The following MYBPC3 variants were observed in gnomAD, a reference collection of about 807,000 sequenced individuals.
MYBPC3 encodes the protein myosin binding protein C3, also known as myosin-binding protein C, cardiac-type.
A neutral mutation model predicts 159.3 loss-of-function variants in MYBPC3; 108 were observed. That is an observed-to-expected ratio of 0.68 (90% CI 0.58 to 0.80). MYBPC3 has a LOEUF of 0.80. Ranked by LOEUF, MYBPC3 falls within the 30% of genes least tolerant of loss-of-function variation. MYBPC3 has a pLI of 0.00. For synonymous variants in MYBPC3, 730 were observed against 702.0 expected (o/e 1.04, Z -0.63); for missense variants, 1,631 against 1,762.1 (o/e 0.93, Z 1.33).
chr11:47,348,448 A>G lies in MYBPC3; in HGVS notation c.748T>C (p.Ser250Pro), dbSNP rs2095896741. The G allele has an allele frequency of 6.2e-7, 1 of 1,612,876 alleles. No homozygotes were observed. The change falls in exon 6 of 35, where the codon TCC (serine) becomes CCC (proline). Residue 250 changes from serine (S) to proline (P), a missense_variant. By Grantham distance (74) the Ser-to-Pro change is moderately conservative. Transcript: ENST00000545968. ...CCGTGGACAGTGAGATTGAAGTTGG[A>G]GCAGTCAAATTTGTCCTTGGTGGAC... ...EVSTKDKFDC[S>P]NFNLTVHEAM...
rs748417652 is a variant in MYBPC3 at position 47,332,024 on chromosome 11, C to G, written c.3814+48G>C. ...GGAGCAAAGCCCAGGGTCCCCACTGCCGCCCGCTCTTCCCATCTCCCAGGC... is the reference window on the plus strand; with the variant it reads ...GGAGCAAAGCCCAGGGTCCCCACTGGCGCCCGCTCTTCCCATCTCCCAGGC... On this transcript the variant is annotated intron_variant, in intron 33 of 34. Transcript: ENST00000545968. The surrounding 1 kb of genome is among the most constrained non-coding windows in gnomAD (Gnocchi z 4.2). 1 of 1,598,878 alleles carries G rather than the reference C, an allele frequency of 6.3e-7. No homozygotes were observed. Among genetic ancestry groups the G allele is most frequent in the African/African-American group, 1.3e-5 (1 of 74,646 alleles).
Position 47,332,881 on chromosome 11 carries a change from G to C in MYBPC3, c.3423C>G (p.Ser1141Arg). ...TGTCACTAAAGCCAACCATATTCTG[G>C]CTGAAGACGCGGAAGTAGTAGCCAT... is the stretch of plus-strand genomic sequence containing the variant. ...IGNGYYFRVF[S>R]QNMVGFSDRA... The change falls in exon 31 of 35, where the codon AGC becomes AGG. Residue 1141 changes from serine to arginine, a missense_variant. Ser to Arg is a moderately radical substitution (Grantham distance 110). Coordinates refer to ENST00000545968, the MANE Select transcript of MYBPC3 (RefSeq NM_000256.3). The surrounding 1 kb of genome is among the most constrained non-coding windows in gnomAD (Gnocchi z 4.2). 6.2e-7 allele frequency: 1 copy of C among 1,607,352 alleles called. No individual in the cohort carries two copies. Among genetic ancestry groups the C allele is most frequent in the Non-Finnish European group, 8.5e-7 (1 of 1,177,152 alleles).
At chr11:47,339,059 T>A (rs940295396) in intron 22 of MYBPC3, among the ~76,000 whole-genome samples, 2 of 152,114 alleles carry the variant, frequency 1.3e-5, no homozygotes, top group Non-Finnish European at 2.9e-5. Context: ...CAAGGTCAGC[T>A]TAGGATGAAG....
chr11:47,337,582 G>A lies in MYBPC3; in HGVS notation c.2414-3C>T, dbSNP rs2142855549. 6.2e-7 allele frequency: 1 copy of A among 1,613,966 alleles called. No individual in the cohort carries two copies. The highest frequency in any genetic ancestry group is 8.5e-7 in the Non-Finnish European group (1 of 1,179,894). ...CTTCTTGCGCTCCAGGATGTAGCCT[G>A]GCTCAGGGGAGGTGGCAGCTCTGGT... On this transcript the variant is annotated splice_polypyrimidine_tract_variant and splice_region_variant and intron_variant, in intron 24 of 34. Coordinates refer to ENST00000545968, the MANE Select transcript of MYBPC3 (RefSeq NM_000256.3).
chr11:47,331,900 T>C lies in MYBPC3; in HGVS notation c.3815-19A>G. 6.2e-7 allele frequency: 1 copy of C among 1,609,328 alleles called. No homozygotes were observed. Among genetic ancestry groups the C allele is most frequent in the African/African-American group, 1.3e-5 (1 of 74,992 alleles). On this transcript the variant is annotated intron_variant, in intron 33 of 34. Coordinates refer to ENST00000545968, the MANE Select transcript of MYBPC3 (RefSeq NM_000256.3). ...TGAGGCACTGCAGAAGAGGAGGCCA[T>C]GTCACTGTGTCCTCCCAGCCTTCTG...
intron 7 of MYBPC3, 57 bp from the exon 8 acceptor site, chr11:47,347,737 GC>G (rs1218774977): frequency 1.3e-6 from 2 of 1,551,190 alleles, no homozygotes; most frequent in Admixed American, 3.9e-5. Context: ...CTCCCCTGCA[GC>G]CCCCACTGAC....
At chr11:47,341,367 A>T (rs924371966) in intron 18 of MYBPC3, 123 bp from the exon 19 acceptor site, 21 of 680,676 alleles carry the variant, frequency 3.1e-5, no homozygotes, top group South Asian at 2.0e-4. Flanking sequence ...TCTGATTTTT[A>T]AAAATGCCTT....
At chr11:47,347,554 G>C (rs2095895535) in intron 8 of MYBPC3, 75 bp from the exon 9 acceptor site, 1 of 1,561,338 alleles carries the variant, frequency 6.4e-7, no homozygotes, top group Non-Finnish European at 8.7e-7. Context: ...GAGTGGAGTG[G>C]GGAGGGAGAA....
At chr11:47,335,570 G>T (rs548330219) in intron 26 of MYBPC3, 1 of 298,402 alleles carries the variant, frequency 3.4e-6, no homozygotes, top group Non-Finnish European at 6.2e-6. Context: ...CAGGTGATCC[G>T]CCCACCTTGG....
In MYBPC3 at chr11:47,346,052, G is replaced by A. The variant is rs536727308; in HGVS notation, c.1090+155C>T. Among the ~76,000 whole-genome samples the A allele has an allele frequency of 2.6e-5, 4 of 152,034 alleles. No homozygotes were observed. The highest frequency in any genetic ancestry group is 4.4e-5 in the Non-Finnish European group (3 of 67,996). ...TTCCTGTGAGTCTCTGTGCTAAGCC[G>A]GACTCCGCTCTTTCCATGTATGTGG... is the stretch of plus-strand genomic sequence containing the variant. On this transcript the variant is annotated intron_variant, in intron 12 of 34. Transcript: ENST00000545968. This position sits in a 1 kb window ranked among gnomAD's most constrained non-coding sequence, Gnocchi z 5.3.
At chr11:47,349,020 C>T (rs1388100815) in intron 5 of MYBPC3, among the ~76,000 whole-genome samples, 2 of 149,008 alleles carry the variant, frequency 1.3e-5, no homozygotes. Context: ...AGAAAGGGGA[C>T]TATCTCGAAA....
intron 18 of MYBPC3, 98 bp downstream of exon 18, chr11:47,341,893 C>G (rs2095888957): frequency 1.4e-6 from 2 of 1,470,356 alleles, no homozygotes; most frequent in African/African-American, 2.8e-5. Context: ...GCCTCTCTGT[C>G]CACCTGTCTT....
At chr11:47,334,954 G>A in intron 27 of MYBPC3, 88 bp downstream of exon 27, 1 of 1,352,194 alleles carries the variant, frequency 7.4e-7, no homozygotes, top group Non-Finnish European at 9.6e-7. Context: ...GAGCATTCTG[G>A]GCCTCCCCAA....
rs558051480 is a variant in MYBPC3 at position 47,339,708 on chromosome 11, G to A, written c.2010C>T (p.Asp670=). The A allele has an allele frequency of 1.1e-5, 18 of 1,613,810 alleles. No individual in the cohort carries two copies. Among genetic ancestry groups the A allele is most frequent in the East Asian group, 8.9e-5 (4 of 44,880 alleles). ...GAGCAGGGTCCCCAGAGATAGGGAC[G>A]TCCAGACGTAGCTTATTTCCAGCTA... ...VVVAGNKLRL[D]VPISGDPAPT... The change falls in exon 21 of 35, where the codon GAC becomes GAT. Residue 670 remains aspartate, a synonymous_variant. Transcript: ENST00000545968.
rs1056123627 is a variant in MYBPC3, at chr11:47,343,385, G to A, written c.1223+107C>T. 1.0e-5 allele frequency: 15 copies of A among 1,487,340 alleles called. No homozygotes were observed. In the Admixed American group the frequency reaches 2.4e-4, roughly 24 times the overall value. The allele number at this position is 1,487,340 out of a possible 1,614,324, so 92.1% of individuals were successfully genotyped here. ...GGGAAATTAGGCCCAGAGAGATGGGGCTGAGAGCCACACCGAGTCAGAGAT... is the reference window on the plus strand; with the variant it reads ...GGGAAATTAGGCCCAGAGAGATGGGACTGAGAGCCACACCGAGTCAGAGAT... On this transcript the variant is annotated intron_variant, in intron 13 of 34. Transcript: ENST00000545968.
intron 2 of MYBPC3, 136 bp from the exon 3 acceptor site, chr11:47,350,751 C>T (rs2095899924): frequency 1.5e-6 from 2 of 1,321,866 alleles, no homozygotes; most frequent in East Asian, 6.0e-5. Context: ...GCTGCCTGGG[C>T]CCCTCAGAGG....
At chr11:47,340,114 ACAC>A (rs2095886835) in intron 20 of MYBPC3, among the ~76,000 whole-genome samples, 1 of 147,964 alleles carries the variant, frequency 6.8e-6, no homozygotes, top group East Asian at 2.0e-4. Context: ...ATACACACAC[ACAC>A]AATACACACA....
At position 47,331,637 on chromosome 11, in the gene MYBPC3, C is replaced by G. The variant is rs755799319; in HGVS notation, c.*106G>C. On this transcript the variant is annotated 3_prime_UTR_variant, in exon 35 of 35. Coordinates refer to ENST00000545968, the MANE Select transcript of MYBPC3 (RefSeq NM_000256.3). Reference sequence around the variant, plus strand: ...ATCGCAGCACAGGAGACACACTTGTCACACATACATCCAACAGTAGGGAGG... The same window carrying G: ...ATCGCAGCACAGGAGACACACTTGTGACACATACATCCAACAGTAGGGAGG... The G allele has an allele frequency of 1.2e-5, 7 of 576,548 alleles. No homozygotes were observed. The highest frequency in any genetic ancestry group is 2.1e-5 in the Non-Finnish European group (7 of 326,168). 35.7% of individuals were successfully genotyped at this position (576,548 alleles called of 1,614,324 possible). A position where few individuals can be genotyped will look rare whatever the true frequency, so the allele number is the denominator to read the frequency against.
Position 47,333,764 on chromosome 11 carries a change from A to G in MYBPC3, c.2995-12T>C, listed in dbSNP as rs760624050. The G allele has an allele frequency of 6.3e-7, 1 of 1,584,304 alleles. No homozygotes were observed. Among genetic ancestry groups the G allele is most frequent in the Non-Finnish European group, 8.6e-7 (1 of 1,166,194 alleles). ...GGCCGGGGCTTGCCCTGAGGGGAGG[A>G]AAAGCTTAACCCTGAACCTGGATCA... On this transcript the variant is annotated splice_polypyrimidine_tract_variant and intron_variant, in intron 28 of 34. Coordinates refer to ENST00000545968, the MANE Select transcript of MYBPC3 (RefSeq NM_000256.3).
Sources: allele counts gnomAD v4.1 joint callset (sites outside exome capture counted in the v4.1 genomes callset), GRCh38; gene constraint gnomAD v4.1.1; non-coding constraint Gnocchi (gnomAD v3.1); transcripts MANE v1.5; gene names NCBI Gene and HGNC (gene_info 2026-07-23, HGNC 2026-07-21).